The following ADRA1A variants were observed in gnomAD, a reference collection of about 807,000 sequenced individuals.
The protein encoded by ADRA1A is adrenoceptor alpha 1A, also known as alpha-1A adrenergic receptor.
In ADRA1A, 31 loss-of-function variants were observed where a neutral mutation model predicts 29.6. The observed-to-expected ratio is 1.05, with a 90% CI of 0.79 to 1.41. The LOEUF is 1.41. ADRA1A is among the 40% of genes most tolerant of loss of function. ADRA1A has a pLI of 0.00. For synonymous variants in ADRA1A, 311 were observed against 254.3 expected, an observed-to-expected ratio of 1.22 and a Z score of -2.12; for missense variants, 619 against 601.1, an observed-to-expected ratio of 1.03 and a Z score of -0.31.
At chr8:26,755,815 T>C (rs1056631204), downstream of ADRA1A, among the ~76,000 whole-genome samples, 3 of 152,242 alleles carry the variant, frequency 2.0e-5, no homozygotes, top group East Asian at 3.9e-4. Context: ...CTGAATATTA[T>C]AGAGTGAATA....
chr8:26,853,934 G>T (rs934055537), intron 2 of ADRA1A: 2 of 151,978 alleles, frequency 1.3e-5, no homozygotes, highest in Admixed American at 6.6e-5. Flanking sequence ...TATGTATAAG[G>T]ATTATAATAT....
chr8:26,829,981 A>G (rs1182095010), intron 2 of ADRA1A, among the ~76,000 whole-genome samples: 2 of 151,890 alleles, frequency 1.3e-5, no homozygotes, highest in African/African-American at 4.8e-5. Context: ...TGGGTGGGGA[A>G]GGATTGTGGT....
At chr8:26,820,285 T>C (rs886119242) in intron 2 of ADRA1A, among the ~76,000 whole-genome samples, 1 of 152,178 alleles carries the variant, frequency 6.6e-6, no homozygotes, top group Admixed American at 6.5e-5. Flanking sequence ...AGCAGCATAA[T>C]ATATGTTTTT....
intron 2 of ADRA1A, among the ~76,000 whole-genome samples, chr8:26,863,755 A>T (rs978731523): frequency 1.3e-5 from 2 of 152,206 alleles, no homozygotes; most frequent in African/African-American, 4.8e-5. Context: ...GGAGACTCTG[A>T]GACTAGAGAG....
intron 2 of ADRA1A, among the ~76,000 whole-genome samples, chr8:26,783,888 T>A (rs4436136): frequency 0.39 from 59,868 of 151,852 alleles, 12,795 homozygotes; most frequent in African/African-American, 0.56. Context: ...AGGGACATGG[T>A]TGGAGTTGGA....
downstream of ADRA1A, chr8:26,766,072 C>T (rs1386785199): frequency 1.2e-6 from 2 of 1,613,850 alleles, no homozygotes; most frequent in Admixed American, 1.7e-5. Context: ...AACCCTTTCT[C>T]CACGGTGGCA....
At chr8:26,828,303 G>T (rs1342617613) in intron 2 of ADRA1A, among the ~76,000 whole-genome samples, 1 of 151,996 alleles carries the variant, frequency 6.6e-6, no homozygotes, top group Non-Finnish European at 1.5e-5. Context: ...CTTTTGTCGA[G>T]AATAAAGATG....
chr8:26,828,088 T>G (rs1810712469), intron 2 of ADRA1A, among the ~76,000 whole-genome samples: 1 of 151,890 alleles, frequency 6.6e-6, no homozygotes, highest in African/African-American at 2.4e-5. Flanking sequence ...GAGACAGGGT[T>G]TTACCATGCT....
At chr8:26,764,454 G>C (rs977638318), downstream of ADRA1A, among the ~76,000 whole-genome samples, 1 of 152,210 alleles carries the variant, frequency 6.6e-6, no homozygotes, top group African/African-American at 2.4e-5. Flanking sequence ...GATAAGGCAG[G>C]AGAGAAAGTG....
chr8:26,865,120 G>T lies in ADRA1A; in HGVS notation c.-151C>A, dbSNP rs960392318. The T allele has an allele frequency of 1.4e-6, 2 of 1,470,758 alleles. No individual in the cohort carries two copies. Among genetic ancestry groups the T allele is most frequent in the Non-Finnish European group, 1.8e-6 (2 of 1,120,118 alleles). The allele number at this position is 1,470,758 out of a possible 1,614,324, so 91.1% of individuals were successfully genotyped here. ...GGCTGGGGGTGAGAGCGCGCGCGCG[G>T]GTGGGAAACAACCCTGGCCAGCCCT... On this transcript the variant is annotated 5_prime_UTR_variant, in exon 2 of 3. Coordinates refer to ENST00000380573, the MANE Select transcript of ADRA1A (RefSeq NM_000680.4). This position sits in a 1 kb window ranked among gnomAD's most constrained non-coding sequence, Gnocchi z 7.6.
chr8:26,778,641 G>C (rs59728462), intron 2 of ADRA1A, among the ~76,000 whole-genome samples: 14,990 of 152,180 alleles, frequency 0.099, 730 homozygotes, highest in Middle Eastern at 0.14. Context: ...CATGTCCTTT[G>C]TAGGGACATG....
Position 26,827,914 on chromosome 8 carries a change from G to A in ADRA1A, c.883+36173C>T, listed in dbSNP as rs546644247. On this transcript the variant is annotated intron_variant, in intron 2 of 2. Transcript: ENST00000380573. ...CTTTATTTTATTATTATTTTTTTGAGACAGGGTCTCACTCTTTCACCCAGG... is the reference window on the plus strand; with the variant it reads ...CTTTATTTTATTATTATTTTTTTGAAACAGGGTCTCACTCTTTCACCCAGG... Among the ~76,000 whole-genome samples the A allele has an allele frequency of 2.5e-3, 384 of 151,966 alleles. 2 individuals are homozygous for A. Among genetic ancestry groups the A allele is most frequent in the Non-Finnish European group, 4.0e-3 (269 of 67,984 alleles).
downstream of ADRA1A, among the ~76,000 whole-genome samples, chr8:26,765,538 G>A (rs1805727601): frequency 6.6e-6 from 1 of 152,184 alleles, no homozygotes; most frequent in African/African-American, 2.4e-5. Context: ...GTTCCAACTG[G>A]GCTCCACTGG....
chr8:26,847,764 A>G (rs530689734), intron 2 of ADRA1A, among the ~76,000 whole-genome samples: 166 of 152,146 alleles, frequency 1.1e-3, no homozygotes, highest in Non-Finnish European at 2.0e-3. Flanking sequence ...CTTCTTCCCA[A>G]ACTTCTTCTG....
rs1035506152 is a variant in ADRA1A, at chr8:26,760,389, TAAG to T, written c.1270-3613_1270-3611del. Among the ~76,000 whole-genome samples, 9 of 152,284 alleles carry T rather than the reference TAAG, an allele frequency of 5.9e-5. No homozygotes were observed. The South Asian group carries it at 8.3e-4, about 14-fold the overall frequency. On this transcript the variant is annotated intron_variant, in intron 2 of 2. Coordinates refer to the ADRA1A transcript ENST00000380582. ...GAGGTGGTCTTCAGAAGGTCGAAAT[TAAG>T]AGAGCTTTTAGCAGGGCCTGGCTGT...
At chr8:26,760,100 A>C (rs534243439) in intron 2 of ADRA1A, among the ~76,000 whole-genome samples, 1 of 152,252 alleles carries the variant, frequency 6.6e-6, no homozygotes, top group Non-Finnish European at 1.5e-5. Flanking sequence ...CAGTTAGAAC[A>C]GTCCTGATTC....
At chr8:26,852,612 A>T (rs1274493249) in intron 2 of ADRA1A, among the ~76,000 whole-genome samples, 4 of 152,146 alleles carry the variant, frequency 2.6e-5, no homozygotes, top group East Asian at 1.9e-4. Context: ...GAAAATAAAG[A>T]TTATCAAATC....
rs532535295 is a variant in ADRA1A at position 26,781,672 on chromosome 8, T to A, written c.884-11006A>T. 3.9e-5 allele frequency among the ~76,000 whole-genome samples: 6 copies of A among 152,288 alleles called. No individual in the cohort carries two copies. In the South Asian group the frequency reaches 1.0e-3, roughly 26 times the overall value. ...TTACTTCCAGTACTTATAAAAACATTTTATAGGGTCCTGGAAGAAGGGTTG... is the reference window on the plus strand; with the variant it reads ...TTACTTCCAGTACTTATAAAAACATATTATAGGGTCCTGGAAGAAGGGTTG... On this transcript the variant is annotated intron_variant, in intron 2 of 2. Transcript: ENST00000380573.
intron 2 of ADRA1A, among the ~76,000 whole-genome samples, chr8:26,812,329 C>T (rs1809451795): frequency 6.6e-6 from 1 of 152,136 alleles, no homozygotes; most frequent in African/African-American, 2.4e-5. Context: ...AACTCATAAC[C>T]ACTCAGAAAA....
Sources: gnomAD v4.1 joint callset for allele counts (sites outside exome capture counted in the v4.1 genomes callset) on GRCh38, gnomAD v4.1.1 for gene constraint, Gnocchi (gnomAD v3.1) non-coding constraint, MANE v1.5 for transcripts, NCBI Gene and HGNC (gene_info 2026-07-23, HGNC 2026-07-21) for gene names.